The following IQUB variants were observed in gnomAD, a reference collection of about 807,000 sequenced individuals.
The protein encoded by IQUB is IQ motif and ubiquitin domain containing, also known as IQ motif and ubiquitin-like domain-containing protein.
A neutral mutation model predicts 86.4 loss-of-function variants in IQUB; 86 were observed. The ratio of observed to expected loss-of-function variants is 1.00; its 90% CI spans 0.84 to 1.19. The LOEUF (loss-of-function observed/expected upper bound fraction) is 1.19. Among genes scored for constraint, IQUB ranks in the 50% most tolerant of loss-of-function variants. IQUB has a pLI of 0.00. For missense variants in IQUB, 946 were observed against 916.9 expected, an observed-to-expected ratio of 1.03 and a Z score of -0.41; for synonymous variants, 289 against 304.5, an observed-to-expected ratio of 0.95 and a Z score of 0.53.
intron 3 of IQUB, among the ~76,000 whole-genome samples, chr7:123,506,512 CA>C (rs540909846): frequency 8.8e-4 from 134 of 152,110 alleles, no homozygotes; most frequent in African/African-American, 3.2e-3. Flanking sequence ...ACAATCATGG[CA>C]AAAGGTGAAG....
chr7:123,455,250 C>T (rs1460389360), intron 12 of IQUB, among the ~76,000 whole-genome samples: 2 of 152,038 alleles, frequency 1.3e-5, no homozygotes, highest in African/African-American at 2.4e-5. Context: ...CGATATGCTG[C>T]GTCTAGCTAT....
intron 10 of IQUB, chr7:123,462,943 C>T (rs1257883406): frequency 2.6e-6 from 1 of 384,092 alleles, no homozygotes; most frequent in Non-Finnish European, 5.3e-6. Flanking sequence ...TACCTACTCC[C>T]AAAAAGTGGT....
rs1211940431 is a variant in IQUB, at chr7:123,452,684, G to A, written c.*59C>T. On this transcript the variant is annotated 3_prime_UTR_variant, in exon 13 of 13. Coordinates refer to ENST00000324698, the MANE Select transcript of IQUB (RefSeq NM_178827.5). The stretch of plus-strand genomic sequence containing the variant: ...TCCATTTCCATACTCTGTGACCTCT[G>A]TATTACCCTATTAGCAGTGAACAAA... 8.4e-7 allele frequency: 1 copy of A among 1,188,552 alleles called. No individual in the cohort carries two copies. The highest frequency in any genetic ancestry group is 1.2e-6 in the Non-Finnish European group (1 of 823,150). The allele number at this position is 1,188,552 out of a possible 1,614,324, so 73.6% of individuals were successfully genotyped here.
chr7:123,462,299 T>TAAG (rs1349254115), intron 10 of IQUB, among the ~76,000 whole-genome samples: 2 of 151,820 alleles, frequency 1.3e-5, no homozygotes, highest in Non-Finnish European at 3.0e-5. Context: ...ATGTGATATA[T>TAAG]AAGACTTTCA....
chr7:123,530,320 C>CA (rs1182404929), intron 1 of IQUB, among the ~76,000 whole-genome samples: 1 of 151,660 alleles, frequency 6.6e-6, no homozygotes, highest in Non-Finnish European at 1.5e-5. Flanking sequence ...CCTGTAGTCC[C>CA]AGCTACTCGG....
chr7:123,532,921 G>T (rs1209974590), intron 1 of IQUB: 2 of 152,446 alleles, frequency 1.3e-5, no homozygotes, highest in African/African-American at 4.8e-5. Flanking sequence ...GACCGGCTGC[G>T]GCTGGGGGCG....
At chr7:123,471,959 C>T (rs898047785) in intron 8 of IQUB, among the ~76,000 whole-genome samples, 3 of 152,016 alleles carry the variant, frequency 2.0e-5, no homozygotes, top group East Asian at 1.9e-4. Flanking sequence ...ATTTCTCGGC[C>T]GGACACGGTG....
rs1021902616 is a variant in IQUB at position 123,483,325 on chromosome 7, G to A, written c.1235-3355C>T. 7.2e-5 allele frequency among the ~76,000 whole-genome samples: 11 copies of A among 152,138 alleles called. 1 individual carries two copies. Among genetic ancestry groups the A allele is most frequent in the South Asian group, 4.1e-4 (2 of 4,820 alleles). On this transcript the variant is annotated intron_variant, in intron 7 of 12. Transcript: ENST00000324698. ...ACTTATCAGCTGGTTTACCACTGGA[G>A]GGCTACATTTACTTAATAAACCATC...
intron 1 of IQUB, among the ~76,000 whole-genome samples, chr7:123,525,803 A>G (rs113250491): frequency 1.3e-5 from 2 of 151,430 alleles, no homozygotes; most frequent in South Asian, 2.1e-4. Context: ...TAGGATGTCA[A>G]TTTTGGATCT....
chr7:123,481,466 G>A (rs569124370), intron 7 of IQUB, among the ~76,000 whole-genome samples: 28 of 152,058 alleles, frequency 1.8e-4, no homozygotes, highest in Non-Finnish European at 4.0e-4. Context: ...ATGAAAGACG[G>A]GAGAAATGAG....
At chr7:123,496,476 T>C (rs1795710347) in intron 7 of IQUB, among the ~76,000 whole-genome samples, 2 of 152,158 alleles carry the variant, frequency 1.3e-5, no homozygotes, top group Admixed American at 6.6e-5. Flanking sequence ...CAAAGCAGTA[T>C]GTACATTTTA....
chr7:123,472,035 C>T (rs1262371557), intron 8 of IQUB, among the ~76,000 whole-genome samples: 3 of 151,864 alleles, frequency 2.0e-5, no homozygotes, highest in South Asian at 4.2e-4. Context: ...GTCAGAAGTT[C>T]GAGAACAGCC....
intron 8 of IQUB, among the ~76,000 whole-genome samples, chr7:123,472,875 C>T (rs1028946642): frequency 1.3e-5 from 2 of 152,094 alleles, no homozygotes; most frequent in Non-Finnish European, 2.9e-5. Context: ...GCTGTGATAA[C>T]AGATATACAA....
intron 1 of IQUB, among the ~76,000 whole-genome samples, chr7:123,512,580 T>C (rs566436010): frequency 3.3e-5 from 5 of 152,242 alleles, no homozygotes; most frequent in Admixed American, 6.5e-5. Context: ...TTGTCATTTC[T>C]TATTTCTTCC....
intron 12 of IQUB, 82 bp downstream of exon 12, chr7:123,457,299 G>T: frequency 6.6e-7 from 1 of 1,521,188 alleles, no homozygotes; most frequent in South Asian, 1.3e-5. Context: ...TTTAAGCATG[G>T]AATATATTAG....
At chr7:123,524,264 G>A (rs1797067413) in intron 1 of IQUB, among the ~76,000 whole-genome samples, 1 of 141,388 alleles carries the variant, frequency 7.1e-6, no homozygotes, top group Non-Finnish European at 1.6e-5. Context: ...GCTTGATGGG[G>A]ATGGCATTGA....
intron 1 of IQUB, among the ~76,000 whole-genome samples, chr7:123,530,852 T>C (rs1358813891): frequency 1.3e-5 from 2 of 152,024 alleles, no homozygotes; most frequent in African/African-American, 2.4e-5. Context: ...AATTTTTGTA[T>C]TTTTAGCAGA....
At chr7:123,524,515 G>A (rs1323709368) in intron 1 of IQUB, among the ~76,000 whole-genome samples, 1 of 148,508 alleles carries the variant, frequency 6.7e-6, no homozygotes, top group East Asian at 2.0e-4. Flanking sequence ...TGTTGTTGGT[G>A]TATAAGAATG....
intron 3 of IQUB, among the ~76,000 whole-genome samples, chr7:123,507,881 A>C (rs1347236842): frequency 2.6e-5 from 4 of 151,958 alleles, no homozygotes; most frequent in Admixed American, 2.6e-4. Flanking sequence ...AAAAAAAAAA[A>C]AAAATTAACA....
Sources: gnomAD v4.1 joint callset for allele counts (sites outside exome capture counted in the v4.1 genomes callset) on GRCh38, gnomAD v4.1.1 for gene constraint, MANE v1.5 for transcripts, NCBI Gene and HGNC (gene_info 2026-07-23, HGNC 2026-07-21) for gene names.